LYRM4: variants seen among roughly 807,000 people sequenced by gnomAD.
The protein encoded by LYRM4 is LYR motif-containing protein 4.
A neutral mutation model predicts 11.7 loss-of-function variants in LYRM4; 9 were observed. The observed-to-expected ratio is 0.77, with a 90% CI of 0.46 to 1.34. LYRM4 has a LOEUF of 1.34. Ranked by LOEUF, LYRM4 falls within the 40% of genes most tolerant of loss-of-function variation. The pLI is 0.00. For synonymous variants in LYRM4, 42 were observed against 40.4 expected, an observed-to-expected ratio of 1.04 and a Z score of -0.15; for missense variants, 133 against 112.5, an observed-to-expected ratio of 1.18 and a Z score of -0.82.
chr6:5,127,337 G>A (rs534494000), intron 2 of LYRM4, among the ~76,000 whole-genome samples: 18 of 152,148 alleles, frequency 1.2e-4, no homozygotes, highest in South Asian at 6.2e-4. Context: ...CACCTGCCTC[G>A]GCCTCCCAAT....
intron 2 of LYRM4, among the ~76,000 whole-genome samples, chr6:5,167,938 A>C (rs1759185899): frequency 6.6e-6 from 1 of 152,134 alleles, no homozygotes; most frequent in Non-Finnish European, 1.5e-5. Flanking sequence ...AACTGTTATA[A>C]AGCAAGGATG....
At chr6:5,145,213 T>C (rs1757650531) in intron 2 of LYRM4, among the ~76,000 whole-genome samples, 2 of 152,204 alleles carry the variant, frequency 1.3e-5, no homozygotes, top group Non-Finnish European at 2.9e-5. Flanking sequence ...AAGCTTCTCC[T>C]GCCCCTTTCT....
chr6:5,037,722 TG>T, the LYRM4 span, among the ~76,000 whole-genome samples: 1 of 43,504 alleles, frequency 2.3e-5, no homozygotes, highest in African/African-American at 6.3e-5. Context: ...ACGGGGCGGC[TG>T]GCCGGGCAGA....
At chr6:5,239,886 C>T (rs960019583) in intron 1 of LYRM4, among the ~76,000 whole-genome samples, 1 of 152,136 alleles carries the variant, frequency 6.6e-6, no homozygotes, top group South Asian at 2.1e-4. Context: ...TTCTCACCAC[C>T]CCCATAGGGA....
At chr6:5,230,523 C>T (rs72813610) in intron 1 of LYRM4, among the ~76,000 whole-genome samples, 2,192 of 152,240 alleles carry the variant, frequency 0.014, 30 homozygotes, top group Non-Finnish European at 0.022. Flanking sequence ...CTACAGAACA[C>T]AGTTTTCTAA....
intron 2 of LYRM4, among the ~76,000 whole-genome samples, chr6:5,157,796 AAT>A (rs1758502559): frequency 6.6e-6 from 1 of 152,202 alleles, no homozygotes; most frequent in African/African-American, 2.4e-5. Context: ...CTTAAAATTG[AAT>A]ATATCTCTCA....
chr6:5,133,683 A>G (rs1764059152), intron 2 of LYRM4, among the ~76,000 whole-genome samples: 1 of 152,204 alleles, frequency 6.6e-6, no homozygotes, highest in Admixed American at 6.5e-5. Flanking sequence ...GTACCTTCAT[A>G]ACTGTACAAT....
intron 2 of LYRM4, among the ~76,000 whole-genome samples, chr6:5,180,957 A>G (rs1419545167): frequency 6.6e-6 from 1 of 152,134 alleles, no homozygotes; most frequent in Non-Finnish European, 1.5e-5. Flanking sequence ...CATCCACTAC[A>G]TTATTATTGA....
At chr6:5,203,689 T>A (rs1407406186) in intron 2 of LYRM4, among the ~76,000 whole-genome samples, 1 of 152,202 alleles carries the variant, frequency 6.6e-6, no homozygotes, top group Non-Finnish European at 1.5e-5. Context: ...CTCCACTTAA[T>A]GCACTGAAAA....
intron 2 of LYRM4, among the ~76,000 whole-genome samples, chr6:5,216,207 TG>T (rs1249533491): frequency 3.9e-4 from 59 of 152,214 alleles, no homozygotes; most frequent in African/African-American, 1.4e-3. Context: ...CCACCCACAA[TG>T]GTGTCTTCAA....
the LYRM4 span, among the ~76,000 whole-genome samples, chr6:5,045,982 G>A: frequency 6.6e-6 from 1 of 152,140 alleles, no homozygotes; most frequent in Non-Finnish European, 1.5e-5. Context: ...AGTGGGAAGC[G>A]GGAACGTCTA....
chr6:5,219,807 A>G (rs1762481292), intron 1 of LYRM4, among the ~76,000 whole-genome samples: 1 of 152,016 alleles, frequency 6.6e-6, no homozygotes, highest in Non-Finnish European at 1.5e-5. Flanking sequence ...AAAAATTTGC[A>G]GAAGTTGCTG....
intron 1 of LYRM4, among the ~76,000 whole-genome samples, 184 bp downstream of exon 1, chr6:5,260,464 G>A (rs558933525): frequency 1.3e-5 from 2 of 152,344 alleles, no homozygotes; most frequent in East Asian, 1.9e-4. Flanking sequence ...GCTCCTCCCC[G>A]AGGTCTCAGA....
At chr6:5,152,597 C>T (rs1244949675) in intron 2 of LYRM4, among the ~76,000 whole-genome samples, 3 of 152,218 alleles carry the variant, frequency 2.0e-5, no homozygotes, top group Non-Finnish European at 4.4e-5. Context: ...TCCGGCCTGG[C>T]TGTTCCCCTC....
At chr6:5,093,212 T>A in the LYRM4 span, among the ~76,000 whole-genome samples, 2 of 152,238 alleles carry the variant, frequency 1.3e-5, no homozygotes, top group Non-Finnish European at 2.9e-5. Flanking sequence ...AAAGATGAAT[T>A]TATGTATTGG....
chr6:5,189,210 C>G (rs1760605471), intron 2 of LYRM4, among the ~76,000 whole-genome samples: 1 of 152,242 alleles, frequency 6.6e-6, no homozygotes, highest in African/African-American at 2.4e-5. Flanking sequence ...ATCTCAATTT[C>G]ACAACAGCCC....
intron 1 of LYRM4, chr6:5,218,212 GTCT>G (rs1435551371): frequency 5.8e-5 from 57 of 977,168 alleles, no homozygotes; most frequent in Non-Finnish European, 6.6e-5. Flanking sequence ...TGGCTCTCTC[GTCT>G]TCTTAATGAT....
intron 2 of LYRM4, among the ~76,000 whole-genome samples, chr6:5,204,683 C>T (rs1405920688): frequency 6.6e-6 from 1 of 152,116 alleles, no homozygotes; most frequent in Non-Finnish European, 1.5e-5. Context: ...CACTGAAGTT[C>T]CCAAAACCCT....
At chr6:5,153,848 A>C (rs1322434906) in intron 2 of LYRM4, among the ~76,000 whole-genome samples, 1 of 152,186 alleles carries the variant, frequency 6.6e-6, no homozygotes, top group African/African-American at 2.4e-5. Flanking sequence ...GACTCTAATA[A>C]TTTTAAAACA....
Sources: allele counts gnomAD v4.1 joint callset (sites outside exome capture counted in the v4.1 genomes callset), GRCh38; gene constraint gnomAD v4.1.1; transcripts MANE v1.5; gene names NCBI Gene and HGNC (gene_info 2026-07-23, HGNC 2026-07-21).